Variants in TMEM169 observed in about 807,000 individuals in gnomAD.
TMEM169 encodes transmembrane protein 169.
In TMEM169, 18 loss-of-function variants were observed where a neutral mutation model predicts 27.3. The ratio of observed to expected loss-of-function variants is 0.66; its 90% CI spans 0.46 to 0.98. TMEM169 has a LOEUF of 0.98. Ranked by LOEUF, TMEM169 falls within the 50% of genes least tolerant of loss-of-function variation. The pLI, the probability that TMEM169 is intolerant of heterozygous loss-of-function variation, is 0.00. For synonymous variants in TMEM169, 136 were observed against 142.1 expected (o/e 0.96, Z 0.30); for missense variants, 320 against 368.6 (o/e 0.87, Z 1.08).
intron 1 of TMEM169, among the ~76,000 whole-genome samples, chr2:216,085,871 CA>C (rs35553205): frequency 0.34 from 45,048 of 133,622 alleles, 7,373 homozygotes; most frequent in East Asian, 0.68. Context: ...AACTCCATCT[CA>C]AAAAAAAAAA....
chr2:216,085,987 GT>G (rs1271976112), intron 1 of TMEM169, among the ~76,000 whole-genome samples: 1 of 151,998 alleles, frequency 6.6e-6, no homozygotes, highest in African/African-American at 2.4e-5. Context: ...TTAAAAACCT[GT>G]TTTCCCTCCT....
At chr2:216,086,131 C>G (rs1303107353) in intron 1 of TMEM169, among the ~76,000 whole-genome samples, 1 of 151,680 alleles carries the variant, frequency 6.6e-6, no homozygotes, top group Non-Finnish European at 1.5e-5. Context: ...GTGGTGTGAT[C>G]TTGGCTCACT....
rs1696249720 is a variant in TMEM169, at chr2:216,095,867, T to A, written c.-97T>A. Reference sequence around the variant, plus strand: ...AATGCATCCTTGGGACATCTTTGCATAGCCCCATCTAGGAAGAAGTTCTGT... The same window carrying A: ...AATGCATCCTTGGGACATCTTTGCAAAGCCCCATCTAGGAAGAAGTTCTGT... On this transcript the variant is annotated 5_prime_UTR_variant, in exon 2 of 3. An upstream open reading frame in the 5' UTR loses its in-frame stop. Coordinates refer to ENST00000437356, the MANE Select transcript of TMEM169 (RefSeq NM_001142311.2). 1 of 1,407,980 alleles carries A rather than the reference T, an allele frequency of 7.1e-7. No homozygotes were observed. The highest frequency in any genetic ancestry group is 1.4e-5 in the South Asian group (1 of 71,556). The allele number at this position is 1,407,980 out of a possible 1,614,324, so 87.2% of individuals were successfully genotyped here.
chr2:216,098,078 G>A (rs2105988101), intron 2 of TMEM169, among the ~76,000 whole-genome samples: 1 of 152,026 alleles, frequency 6.6e-6, no homozygotes, highest in Non-Finnish European at 1.5e-5. Flanking sequence ...CAGGAAGGTA[G>A]GCAGAGGCTG....
intron 1 of TMEM169, among the ~76,000 whole-genome samples, chr2:216,089,787 GGACTTTA>G (rs1206489807): frequency 6.6e-5 from 10 of 152,092 alleles, no homozygotes; most frequent in African/African-American, 2.4e-4. Flanking sequence ...GGGAAATCCT[GGACTTTA>G]GAGTTATGCA....
chr2:216,092,430 G>C (rs764434538), intron 1 of TMEM169, among the ~76,000 whole-genome samples: 1 of 151,950 alleles, frequency 6.6e-6, no homozygotes, highest in African/African-American at 2.4e-5. Context: ...TTACAGGCAT[G>C]AGCCACCGCA....
chr2:216,093,740 G>A (rs1206935118), intron 1 of TMEM169, among the ~76,000 whole-genome samples: 2 of 152,020 alleles, frequency 1.3e-5, no homozygotes, highest in East Asian at 3.9e-4. Context: ...TGCCTGGAGG[G>A]GGAGAAAAAG....
intron 1 of TMEM169, among the ~76,000 whole-genome samples, chr2:216,089,224 G>A (rs1009512023): frequency 6.6e-6 from 1 of 152,134 alleles, no homozygotes; most frequent in East Asian, 1.9e-4. Context: ...GGGAATTAGT[G>A]GAATCAACAG....
At chr2:216,096,373 T>TCCAGTCAATCACCCAGGAGTC in intron 2 of TMEM169, 139 bp downstream of exon 2, 1 of 1,080,740 alleles carries the variant, frequency 9.3e-7, no homozygotes. Context: ...ACCTTTTATT[T>TCCAGTCAATCACCCAGGAGTC]ATTTATTTTG....
chr2:216,095,094 G>T (rs1270074618), intron 1 of TMEM169, among the ~76,000 whole-genome samples: 1 of 97,188 alleles, frequency 1.0e-5, no homozygotes, highest in Non-Finnish European at 1.9e-5. Flanking sequence ...AGCCACCTAT[G>T]GTTCTTTTTT....
chr2:216,100,677 T>A lies in TMEM169; in HGVS notation c.*135T>A. 1 of 1,273,846 alleles carries A rather than the reference T, an allele frequency of 7.9e-7. No individual in the cohort carries two copies. The highest frequency in any genetic ancestry group is 1.1e-6 in the Non-Finnish European group (1 of 927,480). The allele number at this position is 1,273,846 out of a possible 1,614,324, so 78.9% of individuals were successfully genotyped here. A position where few individuals can be genotyped will look rare whatever the true frequency, so the allele number is the denominator to read the frequency against. ...AAATCAGAGTCCATACTGATCAGTT[T>A]TACCATCTTGAGGGTTCCAGGAGGG... On this transcript the variant is annotated 3_prime_UTR_variant, in exon 3 of 3. Coordinates refer to ENST00000437356, the MANE Select transcript of TMEM169 (RefSeq NM_001142311.2).
At position 216,096,070 on chromosome 2, in the gene TMEM169, C is replaced by T; in HGVS notation, c.107C>T (p.Thr36Ile). 1 of 1,614,198 alleles carries T rather than the reference C, an allele frequency of 6.2e-7. No individual in the cohort carries two copies. Among genetic ancestry groups the T allele is most frequent in the Non-Finnish European group, 8.5e-7 (1 of 1,180,036 alleles). The change falls in exon 2 of 3, where the codon ACA becomes ATA. Residue 36 changes from threonine to isoleucine, a missense_variant. Transcript: ENST00000437356. The stretch of plus-strand genomic sequence containing the variant: ...GCCCTGGCGCTGGATGGGGAATCCA[C>T]AATGGGGCACAGGAAAAAGAAGAGG... ...AAALALDGES[T>I]MGHRKKKRKE... is the part of the protein sequence containing the mutation.
Position 216,099,851 on chromosome 2 carries a change from G to A in TMEM169, c.272-69G>A. The A allele has an allele frequency of 6.5e-7, 1 of 1,550,102 alleles. No individual in the cohort carries two copies. The highest frequency in any genetic ancestry group is 8.7e-7 in the Non-Finnish European group (1 of 1,152,296). On this transcript the variant is annotated intron_variant, in intron 2 of 2. Transcript: ENST00000437356. This position sits in a 1 kb window ranked among gnomAD's most constrained non-coding sequence, Gnocchi z 5.0. ...ACTCTTGTCCTCATGCCCAGCCTGG[G>A]AGGGTGCAACATGGAGATGCAATGC...
At chr2:216,091,837 A>G (rs915121270) in intron 1 of TMEM169, among the ~76,000 whole-genome samples, 3 of 152,224 alleles carry the variant, frequency 2.0e-5, no homozygotes, top group Non-Finnish European at 2.9e-5. Flanking sequence ...AACTGGTTCT[A>G]TTGTCTACTT....
intron 1 of TMEM169, among the ~76,000 whole-genome samples, chr2:216,088,325 G>A (rs1254509879): frequency 5.3e-5 from 8 of 152,004 alleles, no homozygotes; most frequent in African/African-American, 9.7e-5. Flanking sequence ...TTAGCCGGGC[G>A]TGGTGGTGGG....
intron 1 of TMEM169, among the ~76,000 whole-genome samples, chr2:216,089,576 C>T (rs1696081023): frequency 6.6e-6 from 1 of 152,216 alleles, no homozygotes; most frequent in African/African-American, 2.4e-5. Flanking sequence ...CCTGCCTCAG[C>T]CTCCTGAGTA....
chr2:216,098,926 T>G (rs760762067), intron 2 of TMEM169, among the ~76,000 whole-genome samples: 13 of 151,508 alleles, frequency 8.6e-5, no homozygotes, highest in Non-Finnish European at 1.9e-4. Context: ...TGTATGGGTA[T>G]GTGGTGTGTG....
intron 1 of TMEM169, among the ~76,000 whole-genome samples, chr2:216,088,395 C>A (rs1289275329): frequency 6.6e-6 from 1 of 152,318 alleles, no homozygotes; most frequent in Middle Eastern, 3.4e-3. Flanking sequence ...ACCCGGGAGG[C>A]GGAGCTTGCA....
intron 2 of TMEM169, among the ~76,000 whole-genome samples, chr2:216,097,407 A>G (rs549018890): frequency 6.6e-6 from 1 of 152,082 alleles, no homozygotes; most frequent in East Asian, 1.9e-4. Flanking sequence ...AAAAATTAGC[A>G]GGGTGTGCTG....
Sources: gnomAD v4.1 joint callset for allele counts (sites outside exome capture counted in the v4.1 genomes callset) on GRCh38, gnomAD v4.1.1 for gene constraint, Gnocchi (gnomAD v3.1) non-coding constraint, MANE v1.5 for transcripts, NCBI Gene and HGNC (gene_info 2026-07-23, HGNC 2026-07-21) for gene names.